RSF1: variants seen among roughly 807,000 people sequenced by gnomAD.
RSF1 encodes remodeling and spacing factor 1.
In RSF1, 13 loss-of-function variants were observed where a neutral mutation model predicts 145.2. That is an observed-to-expected ratio of 0.09 (90% CI 0.06 to 0.14). The LOEUF is 0.14. Ranked by LOEUF, RSF1 falls within the 10% of genes least tolerant of loss-of-function variation. The pLI is 1.00. For synonymous variants in RSF1, 577 were observed against 592.6 expected, an observed-to-expected ratio of 0.97 and a Z score of 0.38; for missense variants, 1,517 against 1,718.2, an observed-to-expected ratio of 0.88 and a Z score of 2.07.
the RSF1 span, among the ~76,000 whole-genome samples, chr11:77,861,293 G>C: frequency 6.6e-6 from 1 of 152,202 alleles, no homozygotes; most frequent in South Asian, 2.1e-4. Flanking sequence ...TGTGAAAAGA[G>C]TAAAGTTCCC....
At chr11:77,871,597 C>T in the RSF1 span, among the ~76,000 whole-genome samples, 1 of 152,200 alleles carries the variant, frequency 6.6e-6, no homozygotes, top group African/African-American at 2.4e-5. Context: ...ATTTCATCCT[C>T]ACACCAACCC....
chr11:77,772,401 G>A (rs1319453370), intron 1 of RSF1, among the ~76,000 whole-genome samples: 4 of 152,026 alleles, frequency 2.6e-5, no homozygotes, highest in Admixed American at 6.6e-5. Flanking sequence ...CTCAAACTCC[G>A]GGGCTCAAGC....
chr11:77,870,256 A>C, the RSF1 span, among the ~76,000 whole-genome samples: 5 of 150,938 alleles, frequency 3.3e-5, no homozygotes, highest in African/African-American at 1.2e-4. Flanking sequence ...CCTGAGCTCA[A>C]ATGATCTCCC....
chr11:77,772,650 C>T (rs895176249), intron 1 of RSF1, among the ~76,000 whole-genome samples: 3 of 152,026 alleles, frequency 2.0e-5, no homozygotes, highest in Admixed American at 6.5e-5. Context: ...AGGAATTACA[C>T]GAGATGATCC....
chr11:77,777,904 G>C lies in RSF1; in HGVS notation c.188-13215C>G, dbSNP rs539680369. ...ATTAACATCCTTACTACTCTTCATT[G>C]TTGGCAAAGAAGCATCATTATCTCA... is the stretch of plus-strand genomic sequence containing the variant. On this transcript the variant is annotated intron_variant, in intron 1 of 15. Coordinates refer to ENST00000308488, the MANE Select transcript of RSF1 (RefSeq NM_016578.4). Among the ~76,000 whole-genome samples, 5 of 150,866 alleles carry C rather than the reference G, an allele frequency of 3.3e-5. No individual in the cohort carries two copies. The South Asian group carries it at 1.1e-3, about 32-fold the overall frequency.
At chr11:77,797,001 A>C (rs1029576739) in intron 1 of RSF1, among the ~76,000 whole-genome samples, 11 of 152,254 alleles carry the variant, frequency 7.2e-5, no homozygotes, top group Admixed American at 7.2e-4. Context: ...TGCTCAAGGC[A>C]ATAAGAGAGG....
intron 2 of RSF1, among the ~76,000 whole-genome samples, chr11:77,747,435 A>T (rs1189400011): frequency 6.6e-6 from 1 of 152,238 alleles, no homozygotes; most frequent in Non-Finnish European, 1.5e-5. Flanking sequence ...CCATCTCTCC[A>T]AATGGCTGGA....
At chr11:77,799,494 A>T (rs1948606010) in intron 1 of RSF1, among the ~76,000 whole-genome samples, 1 of 137,370 alleles carries the variant, frequency 7.3e-6, no homozygotes, top group Admixed American at 7.8e-5. Context: ...ACAGAGTGAG[A>T]CCCTGTCTCC....
the RSF1 span, among the ~76,000 whole-genome samples, chr11:77,859,673 C>A: frequency 6.6e-6 from 1 of 152,198 alleles, no homozygotes; most frequent in East Asian, 1.9e-4. Flanking sequence ...TACAAAGGAA[C>A]TTCCATCAGT....
chr11:77,786,397 A>C (rs1040531239), intron 1 of RSF1, among the ~76,000 whole-genome samples: 1 of 152,212 alleles, frequency 6.6e-6, no homozygotes, highest in Non-Finnish European at 1.5e-5. Context: ...TATTTATTTA[A>C]ATTTAAAATT....
intron 2 of RSF1, chr11:77,764,294 GT>G: frequency 4.0e-6 from 1 of 251,510 alleles, no homozygotes; most frequent in Non-Finnish European, 7.4e-6. Flanking sequence ...AGCCTTATTA[GT>G]TTCTTACTTG....
chr11:77,843,305 T>C, the RSF1 span, among the ~76,000 whole-genome samples: 884 of 152,316 alleles, frequency 5.8e-3, 7 homozygotes, highest in African/African-American at 0.02. Context: ...ATTCCCAAGG[T>C]AGAGCCTCCT....
intron 4 of RSF1, among the ~76,000 whole-genome samples, chr11:77,726,563 G>T (rs994904712): frequency 6.6e-6 from 1 of 152,068 alleles, no homozygotes; most frequent in Non-Finnish European, 1.5e-5. Flanking sequence ...TATTTTTCTT[G>T]CTCAGACAAG....
intron 2 of RSF1, among the ~76,000 whole-genome samples, chr11:77,749,535 T>A (rs1406983341): frequency 6.6e-6 from 1 of 152,054 alleles, no homozygotes; most frequent in Non-Finnish European, 1.5e-5. Flanking sequence ...ACAAACCAGA[T>A]ATGGAAGCAC....
At chr11:77,831,595 A>G in the RSF1 span, among the ~76,000 whole-genome samples, 1 of 151,346 alleles carries the variant, frequency 6.6e-6, no homozygotes, top group Non-Finnish European at 1.5e-5. Context: ...CTCTACCCTT[A>G]CCTTCTTGAT....
intron 2 of RSF1, among the ~76,000 whole-genome samples, chr11:77,760,302 T>C (rs1056342641): frequency 2.0e-5 from 3 of 152,218 alleles, no homozygotes; most frequent in South Asian, 2.1e-4. Context: ...GAAATCATTA[T>C]ACTAATACTA....
At chr11:77,678,965 T>C (rs373726600) in intron 11 of RSF1, among the ~76,000 whole-genome samples, 5 of 152,226 alleles carry the variant, frequency 3.3e-5, no homozygotes, top group Non-Finnish European at 7.3e-5. Context: ...TACTTTCTGA[T>C]AGCAGCCAAA....
chr11:77,748,323 C>A (rs1031785669), intron 2 of RSF1, among the ~76,000 whole-genome samples: 3 of 150,682 alleles, frequency 2.0e-5, no homozygotes, highest in Non-Finnish European at 4.4e-5. Context: ...CCCCTGGGCT[C>A]AGGTGATCCT....
chr11:77,852,027 G>A, the RSF1 span, among the ~76,000 whole-genome samples: 1 of 151,846 alleles, frequency 6.6e-6, no homozygotes, highest in Non-Finnish European at 1.5e-5. Flanking sequence ...CTAGTCCTCT[G>A]TGGCCCTCTT....
Sources: gnomAD v4.1 joint callset for allele counts (sites outside exome capture counted in the v4.1 genomes callset) on GRCh38, gnomAD v4.1.1 for gene constraint, MANE v1.5 for transcripts, NCBI Gene and HGNC (gene_info 2026-07-23, HGNC 2026-07-21) for gene names.